Variants in SMYD3 observed in about 807,000 individuals in gnomAD.
SMYD3 encodes SET and MYND domain containing 3, also known as histone-lysine N-methyltransferase SMYD3.
Under a neutral mutation model 57.7 loss-of-function variants are expected in SMYD3, and 36 were observed. That is an observed-to-expected ratio of 0.62 (90% CI 0.48 to 0.82). The LOEUF is 0.82. Ranked by LOEUF, SMYD3 falls within the 40% of genes least tolerant of loss-of-function variation. SMYD3 has a pLI of 0.00. For missense variants in SMYD3, 515 were observed against 538.8 expected, an observed-to-expected ratio of 0.96 and a Z score of 0.44; for synonymous variants, 211 against 195.0, an observed-to-expected ratio of 1.08 and a Z score of -0.68.
chr1:246,326,081 G>C (rs1271621110), intron 5 of SMYD3: 2 of 281,328 alleles, frequency 7.1e-6, no homozygotes, highest in Non-Finnish European at 6.5e-6. Context: ...AAATACATTT[G>C]AGAAAAACTG....
chr1:245,877,722 G>A lies in SMYD3; in HGVS notation c.814-13836C>T, dbSNP rs976033060. Among the ~76,000 whole-genome samples, 3 of 152,180 alleles carry A rather than the reference G, an allele frequency of 2.0e-5. No homozygotes were observed. The East Asian group carries it at 5.8e-4, about 29-fold the overall frequency. On this transcript the variant is annotated intron_variant, in intron 8 of 11. Transcript: ENST00000490107. ...GGCTGAGTGCATGGCGAAGCCTTCCGGTGAGATGGGGAATGTAGAAAGGTG... is the reference window on the plus strand; with the variant it reads ...GGCTGAGTGCATGGCGAAGCCTTCCAGTGAGATGGGGAATGTAGAAAGGTG...
At chr1:246,179,485 G>C (rs2062495926) in intron 5 of SMYD3, among the ~76,000 whole-genome samples, 1 of 152,118 alleles carries the variant, frequency 6.6e-6, no homozygotes, top group Non-Finnish European at 1.5e-5. Flanking sequence ...TTGCCACTCT[G>C]AAATAATGTG....
At chr1:246,359,367 C>T (rs1195971468) in intron 1 of SMYD3, among the ~76,000 whole-genome samples, 1 of 152,138 alleles carries the variant, frequency 6.6e-6, no homozygotes, top group African/African-American at 2.4e-5. Flanking sequence ...GGATTCACAG[C>T]TGAATTCTGT....
At chr1:245,814,681 C>G (rs2048688091) in intron 10 of SMYD3, among the ~76,000 whole-genome samples, 1 of 152,150 alleles carries the variant, frequency 6.6e-6, no homozygotes, top group South Asian at 2.1e-4. Context: ...TGTGCCGGCT[C>G]TGCTAAGAGC....
rs574943038 is a variant in SMYD3 at position 246,481,968 on chromosome 1, G to A, written c.164+25086C>T. On this transcript the variant is annotated intron_variant, in intron 1 of 11. Coordinates refer to ENST00000490107, the MANE Select transcript of SMYD3 (RefSeq NM_001167740.2). ...GTCCTGGAGTTCAAGACCAGCCTGGGCAACATAATGAGACCCTTTCTCTAC... is the reference window on the plus strand; with the variant it reads ...GTCCTGGAGTTCAAGACCAGCCTGGACAACATAATGAGACCCTTTCTCTAC... 5.8e-4 allele frequency among the ~76,000 whole-genome samples: 88 copies of A among 151,850 alleles called. 1 individual carries two copies. In the South Asian group the frequency reaches 7.5e-3, roughly 13 times the overall value.
chr1:246,367,289 T>C (rs1028394402), intron 1 of SMYD3, among the ~76,000 whole-genome samples: 40 of 152,172 alleles, frequency 2.6e-4, no homozygotes, highest in African/African-American at 9.4e-4. Context: ...ATTTCCAGTA[T>C]TGCAAAAGAG....
intron 10 of SMYD3, among the ~76,000 whole-genome samples, chr1:245,776,209 T>C (rs544408972): frequency 6.6e-6 from 1 of 152,370 alleles, no homozygotes; most frequent in South Asian, 2.1e-4. Flanking sequence ...TAATTAAGAC[T>C]TTTTAATGTT....
At chr1:246,429,060 T>C (rs2067262106) in intron 1 of SMYD3, among the ~76,000 whole-genome samples, 1 of 151,066 alleles carries the variant, frequency 6.6e-6, no homozygotes, top group Admixed American at 6.6e-5. Context: ...GATCAGGTAT[T>C]GTTCCCACCA....
chr1:246,344,701 A>G (rs1450036737), intron 2 of SMYD3, among the ~76,000 whole-genome samples: 1 of 152,232 alleles, frequency 6.6e-6, no homozygotes, highest in African/African-American at 2.4e-5. Context: ...CCAGTGAACA[A>G]GAGTTCCAGT....
At chr1:246,052,044 C>T (rs12128549) in intron 5 of SMYD3, among the ~76,000 whole-genome samples, 4,650 of 152,278 alleles carry the variant, frequency 0.031, 96 homozygotes, top group South Asian at 0.043. Context: ...CCATAATGAT[C>T]TGGATAAAAT....
At chr1:246,104,613 A>G (rs2061083218) in intron 5 of SMYD3, among the ~76,000 whole-genome samples, 1 of 152,038 alleles carries the variant, frequency 6.6e-6, no homozygotes, top group African/African-American at 2.4e-5. Flanking sequence ...ATAGGACGAT[A>G]TTCGTCTGGG....
intron 5 of SMYD3, among the ~76,000 whole-genome samples, chr1:246,197,265 GGGT>G (rs1373971889): frequency 3.9e-5 from 6 of 152,180 alleles, no homozygotes; most frequent in Non-Finnish European, 7.3e-5. Flanking sequence ...CCTTAGGTCT[GGGT>G]GGTGCCTAGT....
At chr1:246,039,334 T>C (rs2059829528) in intron 5 of SMYD3, among the ~76,000 whole-genome samples, 1 of 152,202 alleles carries the variant, frequency 6.6e-6, no homozygotes, top group African/African-American at 2.4e-5. Context: ...TATATGTTCA[T>C]CTAGATGTAA....
intron 5 of SMYD3, among the ~76,000 whole-genome samples, chr1:246,071,559 G>T (rs1367977325): frequency 6.6e-6 from 1 of 152,056 alleles, no homozygotes; most frequent in Non-Finnish European, 1.5e-5. Flanking sequence ...AATCCCAAAG[G>T]ACACAATCCT....
At chr1:245,756,019 T>G (rs1387031629) in intron 11 of SMYD3, among the ~76,000 whole-genome samples, 1 of 150,788 alleles carries the variant, frequency 6.6e-6, no homozygotes. Context: ...TAAACTTTTT[T>G]TTAGAATTTC....
At chr1:246,015,984 G>A (rs901468907) in intron 5 of SMYD3, among the ~76,000 whole-genome samples, 5 of 152,212 alleles carry the variant, frequency 3.3e-5, no homozygotes, top group African/African-American at 1.2e-4. Context: ...AGAGCATTTT[G>A]AAATGTGAGA....
chr1:246,179,398 G>A (rs1246936918), intron 5 of SMYD3, among the ~76,000 whole-genome samples: 1 of 152,190 alleles, frequency 6.6e-6, no homozygotes, highest in Non-Finnish European at 1.5e-5. Context: ...AATGGGGGTT[G>A]TATGTGTGTC....
chr1:245,918,568 A>G (rs751719274), intron 7 of SMYD3, among the ~76,000 whole-genome samples: 22 of 152,198 alleles, frequency 1.4e-4, no homozygotes, highest in Non-Finnish European at 2.9e-4. Flanking sequence ...TGAGGCACAA[A>G]GGGTCACCTA....
At position 246,359,286 on chromosome 1, in the gene SMYD3, C is replaced by T. The variant is rs142251285; in HGVS notation, c.165-4192G>A. On this transcript the variant is annotated intron_variant, in intron 1 of 11. Transcript: ENST00000490107. Reference sequence around the variant, plus strand: ...GGAAGATATAGAAACTCTGAACAGACCAATAACAAGCAGCAAGACTGAAAT... The same window carrying T: ...GGAAGATATAGAAACTCTGAACAGATCAATAACAAGCAGCAAGACTGAAAT... Among the ~76,000 whole-genome samples, 1,253 of 152,196 alleles carry T rather than the reference C, an allele frequency of 8.2e-3. 19 individuals carry two copies. Among genetic ancestry groups the T allele is most frequent in the African/African-American group, 0.028 (1,161 of 41,536 alleles).
Sources: allele counts gnomAD v4.1 joint callset (sites outside exome capture counted in the v4.1 genomes callset), GRCh38; gene constraint gnomAD v4.1.1; transcripts MANE v1.5; gene names NCBI Gene and HGNC (gene_info 2026-07-23, HGNC 2026-07-21).